PRKCH: variants seen among roughly 807,000 people sequenced by gnomAD.
The protein encoded by PRKCH is protein kinase C eta type.
A neutral mutation model predicts 82.5 loss-of-function variants in PRKCH; 28 were observed. The ratio of observed to expected loss-of-function variants is 0.34; its 90% CI spans 0.25 to 0.47. The LOEUF (loss-of-function observed/expected upper bound fraction) is 0.47. Ranked by LOEUF, PRKCH falls within the 20% of genes least tolerant of loss-of-function variation. The pLI is 1.00. For synonymous variants in PRKCH, 322 were observed against 327.4 expected (o/e 0.98, Z 0.18); for missense variants, 705 against 881.8 (o/e 0.80, Z 2.54).
At chr14:61,440,528 A>G (rs905615399) in intron 2 of PRKCH, among the ~76,000 whole-genome samples, 1 of 152,212 alleles carries the variant, frequency 6.6e-6, no homozygotes, top group Non-Finnish European at 1.5e-5. Flanking sequence ...TTTGAGATCT[A>G]TTGTGTAGAC....
chr14:61,393,010 T>C (rs2046709609), intron 2 of PRKCH, among the ~76,000 whole-genome samples: 1 of 152,170 alleles, frequency 6.6e-6, no homozygotes, highest in African/African-American at 2.4e-5. Context: ...CCTGGCCCCT[T>C]GAATCACCCT....
intron 1 of PRKCH, among the ~76,000 whole-genome samples, chr14:61,302,386 G>A (rs1041751028): frequency 6.6e-6 from 1 of 152,128 alleles, no homozygotes; most frequent in African/African-American, 2.4e-5. Context: ...CCGGGTTGGG[G>A]GAAAGTGTGG....
chr14:61,264,413 T>C (rs2045077899), intron 1 of PRKCH, among the ~76,000 whole-genome samples: 1 of 152,152 alleles, frequency 6.6e-6, no homozygotes, highest in African/African-American at 2.4e-5. Context: ...GTGTGCAGAT[T>C]TAATTGGGCA....
rs117819212 is a variant in PRKCH, at chr14:61,503,456, A to G, written c.1433+17800A>G. On this transcript the variant is annotated intron_variant, in intron 10 of 13. Coordinates refer to ENST00000332981, the MANE Select transcript of PRKCH (RefSeq NM_006255.5). The stretch of plus-strand genomic sequence containing the variant: ...GTGCAGTCTTTGTCTGTTTCTGCCT[A>G]TGCAAATACTAAGCCACGCTCAACA... 6.5e-4 allele frequency among the ~76,000 whole-genome samples: 99 copies of G among 152,298 alleles called. 1 individual carries two copies. The East Asian group carries it at 0.011, about 17-fold the overall frequency.
chr14:61,237,035 C>T (rs1246661130), intron 1 of PRKCH, among the ~76,000 whole-genome samples: 1 of 152,044 alleles, frequency 6.6e-6, no homozygotes, highest in Non-Finnish European at 1.5e-5. Flanking sequence ...ATGGACTCGC[C>T]CTGAATTCTT....
chr14:61,323,936 G>A (rs1026200388), intron 1 of PRKCH, among the ~76,000 whole-genome samples: 6 of 152,210 alleles, frequency 3.9e-5, no homozygotes, highest in Non-Finnish European at 8.8e-5. Flanking sequence ...TCTGAATTAT[G>A]GTGGTGCAGA....
intron 6 of PRKCH, 26 bp from the exon 7 acceptor site, chr14:61,453,200 G>A (rs1884592859): frequency 1.2e-6 from 2 of 1,613,936 alleles, no homozygotes; most frequent in Admixed American, 3.3e-5. Context: ...TTCTGAACAT[G>A]GATTCTGTTT....
intron 1 of PRKCH, among the ~76,000 whole-genome samples, chr14:61,325,562 A>G (rs1218895582): frequency 6.6e-6 from 1 of 152,204 alleles, no homozygotes; most frequent in African/African-American, 2.4e-5. Context: ...TCAGCAAAAA[A>G]TTTTTAGATA....
At chr14:61,268,585 T>C (rs2045124760) in intron 1 of PRKCH, among the ~76,000 whole-genome samples, 1 of 152,098 alleles carries the variant, frequency 6.6e-6, no homozygotes, top group Non-Finnish European at 1.5e-5. Context: ...GAAGAATCAC[T>C]TGAACCCGGG....
intron 10 of PRKCH, among the ~76,000 whole-genome samples, chr14:61,507,034 A>C (rs1887180574): frequency 6.6e-6 from 1 of 152,206 alleles, no homozygotes; most frequent in African/African-American, 2.4e-5. Context: ...AAATAGTTGC[A>C]GATCTGATAA....
At chr14:61,511,139 C>G (rs531480184) in intron 10 of PRKCH, among the ~76,000 whole-genome samples, 2 of 152,298 alleles carry the variant, frequency 1.3e-5, no homozygotes, top group East Asian at 3.9e-4. Context: ...AGTAGAGCCT[C>G]TGCTCATATT....
chr14:61,245,855 C>G (rs1401907873), intron 1 of PRKCH, among the ~76,000 whole-genome samples: 8 of 152,142 alleles, frequency 5.3e-5, no homozygotes, highest in Admixed American at 1.3e-4. Context: ...TATTTTTAAT[C>G]CTTGCACTAA....
chr14:61,264,223 G>A (rs371868997), intron 1 of PRKCH, among the ~76,000 whole-genome samples: 87 of 152,078 alleles, frequency 5.7e-4, no homozygotes, highest in African/African-American at 2.1e-3. Context: ...TGCACAAAAC[G>A]GCTATTTAAA....
intron 1 of PRKCH, among the ~76,000 whole-genome samples, chr14:61,344,976 G>A (rs1176550721): frequency 6.6e-6 from 1 of 152,154 alleles, no homozygotes; most frequent in Non-Finnish European, 1.5e-5. Context: ...TACTTTGGGA[G>A]AATGACCTTA....
intron 2 of PRKCH, among the ~76,000 whole-genome samples, chr14:61,423,410 G>T (rs1170080657): frequency 6.6e-6 from 1 of 152,198 alleles, no homozygotes; most frequent in Non-Finnish European, 1.5e-5. Context: ...TTGAATGACT[G>T]TGCCAGATCG....
chr14:61,479,702 C>T (rs764259306), intron 9 of PRKCH, among the ~76,000 whole-genome samples: 2 of 152,084 alleles, frequency 1.3e-5, no homozygotes, highest in African/African-American at 4.8e-5. Flanking sequence ...AGCCATTATT[C>T]GGGGGATATT....
At chr14:61,259,756 G>C (rs559052536) in intron 1 of PRKCH, among the ~76,000 whole-genome samples, 57 of 152,024 alleles carry the variant, frequency 3.7e-4, no homozygotes, top group Middle Eastern at 3.4e-3. Context: ...TTCTAACTAG[G>C]GTAGTTCACT....
At chr14:61,292,019 G>A (rs2045367030) in intron 1 of PRKCH, among the ~76,000 whole-genome samples, 1 of 152,104 alleles carries the variant, frequency 6.6e-6, no homozygotes. Flanking sequence ...CTAGAACCTT[G>A]TGTAGAACAT....
chr14:61,505,436 T>C (rs1266242243), intron 10 of PRKCH, among the ~76,000 whole-genome samples: 1 of 134,430 alleles, frequency 7.4e-6, no homozygotes, highest in Non-Finnish European at 1.6e-5. Flanking sequence ...AGGTGGAGTC[T>C]TGCTCTATCG....
Sources: gnomAD v4.1 joint callset for allele counts (sites outside exome capture counted in the v4.1 genomes callset) on GRCh38, gnomAD v4.1.1 for gene constraint, MANE v1.5 for transcripts, NCBI Gene and HGNC (gene_info 2026-07-23, HGNC 2026-07-21) for gene names.